C10orf67: variants seen among roughly 807,000 people sequenced by gnomAD.
C10orf67 encodes uncharacterized protein C10orf67, mitochondrial.
Under a neutral mutation model 35.6 loss-of-function variants are expected in C10orf67, and 60 were observed. The observed-to-expected ratio is 1.68, with a 90% CI of 1.37 to 2.09. The LOEUF is 2.09. C10orf67 is among the 30% of genes most tolerant of loss of function. The pLI is 0.00. For synonymous variants in C10orf67, 167 were observed against 115.8 expected (o/e 1.44, Z -2.84); for missense variants, 474 against 330.2 (o/e 1.44, Z -3.38).
chr10:23,217,749 G>A (rs946759057), intron 15 of C10orf67, among the ~76,000 whole-genome samples: 3 of 151,958 alleles, frequency 2.0e-5, no homozygotes, highest in African/African-American at 7.3e-5. Context: ...TGCGATTAGT[G>A]GTATTTATTA....
chr10:23,310,912 A>G (rs1463399080), intron 4 of C10orf67, among the ~76,000 whole-genome samples: 2 of 152,154 alleles, frequency 1.3e-5, no homozygotes, highest in African/African-American at 4.8e-5. Flanking sequence ...GTACTGGCCA[A>G]TTAAGCTGCT....
chr10:23,275,215 G>A (rs1385540341), intron 8 of C10orf67, among the ~76,000 whole-genome samples: 1 of 152,112 alleles, frequency 6.6e-6, no homozygotes, highest in Non-Finnish European at 1.5e-5. Context: ...CAGGTGCAAG[G>A]TACAGTGGCA....
chr10:23,276,766 T>G (rs1843200971), intron 8 of C10orf67, among the ~76,000 whole-genome samples: 1 of 152,138 alleles, frequency 6.6e-6, no homozygotes, highest in Non-Finnish European at 1.5e-5. Flanking sequence ...TTGCGAGAGA[T>G]AAATGGCAAT....
chr10:23,295,178 G>A (rs1843845113), intron 5 of C10orf67, among the ~76,000 whole-genome samples: 1 of 152,202 alleles, frequency 6.6e-6, no homozygotes, highest in Non-Finnish European at 1.5e-5. Context: ...AAATTCTAAT[G>A]TGCTCTTTGG....
chr10:23,239,687 A>G, intron 13 of C10orf67, 42 bp downstream of exon 13: 1 of 618,536 alleles, frequency 1.6e-6, no homozygotes, highest in Non-Finnish European at 3.2e-6. Flanking sequence ...AGACAGGTAT[A>G]TTCAAAGAGA....
At chr10:23,277,647 A>G (rs977076495) in intron 8 of C10orf67, among the ~76,000 whole-genome samples, 8 of 152,312 alleles carry the variant, frequency 5.3e-5, no homozygotes, top group South Asian at 4.1e-4. Context: ...GTGTTGAGAA[A>G]GATTTTCTTA....
intron 4 of C10orf67, chr10:23,317,915 T>C (rs1433544307): frequency 6.6e-6 from 1 of 151,242 alleles, no homozygotes; most frequent in Admixed American, 6.6e-5. Context: ...CTGGATAACA[T>C]AGCAAGATCC....
intron 3 of C10orf67, among the ~76,000 whole-genome samples, chr10:23,322,049 A>T (rs762317749): frequency 1.3e-5 from 2 of 152,138 alleles, no homozygotes; most frequent in Non-Finnish European, 2.9e-5. Context: ...TGGCTTCCCA[A>T]AGTGGTAGGA....
Position 23,344,782 on chromosome 10 carries a change from G to T in C10orf67, c.-8C>A. The T allele has an allele frequency of 6.4e-7, 1 of 1,554,364 alleles. No homozygotes were observed. Among genetic ancestry groups the T allele is most frequent in the Non-Finnish European group, 8.7e-7 (1 of 1,148,890 alleles). On this transcript the variant is annotated 5_prime_UTR_variant, in exon 1 of 16. Coordinates refer to ENST00000636213, the MANE Select transcript of C10orf67 (RefSeq NM_001371909.1). ...ATCCCGGACCAAGGCCATCATAAGA[G>T]GAGAGCAGGCTGCCTAATAAGCTGT...
intron 2 of C10orf67, among the ~76,000 whole-genome samples, chr10:23,323,709 G>C (rs906951842): frequency 6.6e-6 from 1 of 150,488 alleles, no homozygotes; most frequent in Non-Finnish European, 1.5e-5. Flanking sequence ...TCAGGAGTTT[G>C]AGACCAACCT....
intron 10 of C10orf67, among the ~76,000 whole-genome samples, chr10:23,253,452 G>C (rs1198963105): frequency 6.6e-6 from 1 of 152,152 alleles, no homozygotes; most frequent in African/African-American, 2.4e-5. Context: ...ATTAACAGTA[G>C]TCCAAGGAAA....
chr10:23,263,599 C>T (rs1842808186), intron 10 of C10orf67, among the ~76,000 whole-genome samples: 1 of 152,068 alleles, frequency 6.6e-6, no homozygotes, highest in South Asian at 2.1e-4. Flanking sequence ...GTCCCATTTC[C>T]CACACAGAAG....
rs185373933 is a variant in C10orf67 at position 23,247,374 on chromosome 10, T to A, written c.1346+3081A>T. 2.7e-3 allele frequency among the ~76,000 whole-genome samples: 404 copies of A among 152,330 alleles called. 4 individuals are homozygous for A. Among genetic ancestry groups the A allele is most frequent in the African/African-American group, 9.2e-3 (384 of 41,568 alleles). On this transcript the variant is annotated intron_variant, in intron 12 of 15. Coordinates refer to ENST00000636213, the MANE Select transcript of C10orf67 (RefSeq NM_001371909.1). ...ATTTAGATGCATAAACACTTACCAT[T>A]GTGTTATAATTGCTTACAGTATTCA...
chr10:23,305,544 T>C (rs1282329100), intron 4 of C10orf67, among the ~76,000 whole-genome samples: 2 of 152,152 alleles, frequency 1.3e-5, no homozygotes, highest in Non-Finnish European at 2.9e-5. Flanking sequence ...AAAGATGATA[T>C]ACAAATGGCC....
rs942273509 is a variant in C10orf67, at chr10:23,322,401, T to A, written c.464A>T (p.Tyr155Phe). The A allele has an allele frequency of 6.2e-7, 1 of 1,609,584 alleles. No homozygotes were observed. The highest frequency in any genetic ancestry group is 1.1e-5 in the South Asian group (1 of 90,776). Residue 155 changes from tyrosine (Y) to phenylalanine (F), a missense_variant, in exon 3 of 16, where the codon TAT becomes TTT. Coordinates refer to ENST00000636213, the MANE Select transcript of C10orf67 (RefSeq NM_001371909.1). ...HDRILEIEKH[Y>F]QQNEDKMRKS... ...AAATAAGAGAACATTTACCTGTTGA[T>A]AATGCTTTTCAATTTCTAGGATCCT...
chr10:23,270,350 C>A (rs1005395662), intron 8 of C10orf67, among the ~76,000 whole-genome samples: 5 of 152,184 alleles, frequency 3.3e-5, no homozygotes, highest in African/African-American at 1.2e-4. Context: ...CCATGCTTCT[C>A]CCATAGATCT....
intron 13 of C10orf67, among the ~76,000 whole-genome samples, chr10:23,233,147 A>T (rs1430143590): frequency 1.3e-5 from 2 of 152,088 alleles, no homozygotes; most frequent in Non-Finnish European, 2.9e-5. Flanking sequence ...ACAGAGGAAG[A>T]CTCTGTCTTT....
chr10:23,232,853 C>T (rs7918596), intron 13 of C10orf67, among the ~76,000 whole-genome samples: 2,801 of 152,256 alleles, frequency 0.018, 78 homozygotes, highest in African/African-American at 0.062. Context: ...GATCCCACAA[C>T]AGCAGTCATT....
At chr10:23,324,573 G>A (rs936495667) in intron 2 of C10orf67, among the ~76,000 whole-genome samples, 2 of 152,162 alleles carry the variant, frequency 1.3e-5, no homozygotes, top group Admixed American at 6.5e-5. Flanking sequence ...GCTTCCTCAA[G>A]CATGAGTCAA....
Sources: gnomAD v4.1 joint callset for allele counts (sites outside exome capture counted in the v4.1 genomes callset) on GRCh38, gnomAD v4.1.1 for gene constraint, MANE v1.5 for transcripts, NCBI Gene and HGNC (gene_info 2026-07-23, HGNC 2026-07-21) for gene names.